TAMM41: variants seen among roughly 807,000 people sequenced by gnomAD.
TAMM41 encodes phosphatidate cytidylyltransferase, mitochondrial.
Under a neutral mutation model 44.1 loss-of-function variants are expected in TAMM41, and 36 were observed. That is an observed-to-expected ratio of 0.82 (90% CI 0.63 to 1.08). The LOEUF (loss-of-function observed/expected upper bound fraction) is 1.08, where lower values mean the gene tolerates loss of function less well. TAMM41 is among the 50% of genes least tolerant of loss of function. The pLI is 0.00. For synonymous variants in TAMM41, 164 were observed against 153.1 expected (o/e 1.07, Z -0.53); for missense variants, 417 against 404.3 (o/e 1.03, Z -0.27).
At chr3:11,781,561 C>T in the TAMM41 span, among the ~76,000 whole-genome samples, 1 of 151,914 alleles carries the variant, frequency 6.6e-6, no homozygotes. Flanking sequence ...ATGGCAAAAC[C>T]CCATCTCTAC....
At chr3:11,751,612 C>T in the TAMM41 span, among the ~76,000 whole-genome samples, 1 of 152,192 alleles carries the variant, frequency 6.6e-6, no homozygotes, top group Non-Finnish European at 1.5e-5. Context: ...AAGACAGGGC[C>T]AACCCTGGAG....
intron 4 of TAMM41, 78 bp downstream of exon 4, chr3:11,829,636 C>T (rs1282576231): frequency 1.1e-5 from 17 of 1,521,934 alleles, no homozygotes; most frequent in South Asian, 2.3e-5. Context: ...GCTCCAGGGC[C>T]GAGTGAGAAC....
At chr3:11,749,966 G>T in the TAMM41 span, among the ~76,000 whole-genome samples, 1 of 149,018 alleles carries the variant, frequency 6.7e-6, no homozygotes, top group Non-Finnish European at 1.5e-5. Flanking sequence ...GGCACGATCT[G>T]GGCTCACTGC....
At chr3:11,821,857 C>G (rs910439022) in intron 4 of TAMM41, among the ~76,000 whole-genome samples, 1 of 152,052 alleles carries the variant, frequency 6.6e-6, no homozygotes, top group Non-Finnish European at 1.5e-5. Flanking sequence ...ATCTGAACAC[C>G]GAAAATGCAA....
At chr3:11,775,920 C>T in the TAMM41 span, among the ~76,000 whole-genome samples, 1 of 152,224 alleles carries the variant, frequency 6.6e-6, no homozygotes, top group East Asian at 1.9e-4. Flanking sequence ...CCCATGAACT[C>T]AGTACATTCT....
chr3:11,762,787 C>T, the TAMM41 span, among the ~76,000 whole-genome samples: 1 of 152,166 alleles, frequency 6.6e-6, no homozygotes, highest in Non-Finnish European at 1.5e-5. Flanking sequence ...AGGCTGGGTA[C>T]GTTGGCTCAC....
chr3:11,760,542 T>TTTTTGTTTTGTTTTG, the TAMM41 span, among the ~76,000 whole-genome samples: 2,684 of 150,864 alleles, frequency 0.018, 61 homozygotes, highest in African/African-American at 0.06. Flanking sequence ...TAAGTACAAT[T>TTTTTGTTTTGTTTTG]TTTTGTTTTG....
At chr3:11,809,941 G>C (rs2078037143) in intron 5 of TAMM41, 1 of 335,946 alleles carries the variant, frequency 3.0e-6, no homozygotes, top group Non-Finnish European at 5.3e-6. Flanking sequence ...CACTCTCAAG[G>C]ATCAATTTCT....
chr3:11,779,693 A>T, the TAMM41 span, among the ~76,000 whole-genome samples: 1 of 152,106 alleles, frequency 6.6e-6, no homozygotes, highest in Non-Finnish European at 1.5e-5. Flanking sequence ...ATTCACTCCC[A>T]TGGTGTCTTT....
At chr3:11,807,462 T>C (rs911642503) in intron 7 of TAMM41, 10 of 1,535,862 alleles carry the variant, frequency 6.5e-6, no homozygotes, top group African/African-American at 1.4e-5. Context: ...CTAAGACAGA[T>C]GGAAGCAGTT....
At chr3:11,783,609 GTTA>G in the TAMM41 span, among the ~76,000 whole-genome samples, 2 of 152,178 alleles carry the variant, frequency 1.3e-5, no homozygotes, top group Non-Finnish European at 2.9e-5. Flanking sequence ...TAGTCAACTG[GTTA>G]TTTTTATAAG....
chr3:11,767,181 GC>G, the TAMM41 span, among the ~76,000 whole-genome samples: 1 of 152,076 alleles, frequency 6.6e-6, no homozygotes, highest in Non-Finnish European at 1.5e-5. Flanking sequence ...CAATTCTCGT[GC>G]CTCAGCCTCC....
In TAMM41 at chr3:11,809,568, T is replaced by C; in HGVS notation, c.823A>G (p.Thr275Ala). 1 of 1,614,138 alleles carries C rather than the reference T, an allele frequency of 6.2e-7. No individual in the cohort carries two copies. Among genetic ancestry groups the C allele is most frequent in the African/African-American group, 1.3e-5 (1 of 75,038 alleles). The change falls in exon 6 of 8, where the codon ACT (threonine) becomes GCT (alanine). Residue 275 changes from threonine (T) to alanine (A), a missense_variant. Coordinates refer to ENST00000455809, the MANE Select transcript of TAMM41 (RefSeq NM_001284401.2). ...GGATCATGAGCCACTTGGAATAAAG[T>C]TTCTTCCACATCTCTGTTTTTTCCA... is the stretch of plus-strand genomic sequence containing the variant. ...PPGKNRDVEETLFQVAHDPDC... is the reference protein window; with the variant it reads ...PPGKNRDVEEALFQVAHDPDC...
the TAMM41 span, among the ~76,000 whole-genome samples, chr3:11,728,764 T>C: frequency 2.0e-5 from 3 of 152,164 alleles, no homozygotes; most frequent in Admixed American, 1.3e-4. Context: ...ATCCCAGCAC[T>C]TTGGGAGGCC....
At chr3:11,730,610 T>G in the TAMM41 span, among the ~76,000 whole-genome samples, 6 of 150,950 alleles carry the variant, frequency 4.0e-5, no homozygotes, top group Admixed American at 2.7e-4. Flanking sequence ...GGTGGGCGCC[T>G]GTAATCCCAG....
At chr3:11,754,717 T>C in the TAMM41 span, among the ~76,000 whole-genome samples, 1 of 145,400 alleles carries the variant, frequency 6.9e-6, no homozygotes, top group Non-Finnish European at 1.5e-5. Context: ...TCTTTTTTTT[T>C]TTTTTTTTTT....
chr3:11,767,348 C>T, the TAMM41 span, among the ~76,000 whole-genome samples: 5 of 152,196 alleles, frequency 3.3e-5, no homozygotes, highest in East Asian at 5.8e-4. Flanking sequence ...GGATTACAGG[C>T]GTGAGTCACC....
chr3:11,773,843 C>T, the TAMM41 span, among the ~76,000 whole-genome samples: 1 of 152,114 alleles, frequency 6.6e-6, no homozygotes, highest in African/African-American at 2.4e-5. Context: ...AATCCCAGCA[C>T]TTTGGGAAGC....
intron 4 of TAMM41, among the ~76,000 whole-genome samples, chr3:11,829,188 G>A (rs1240391105): frequency 6.6e-6 from 1 of 152,070 alleles, no homozygotes; most frequent in Non-Finnish European, 1.5e-5. Context: ...CTCAAAGTGG[G>A]ATCCCTGGAG....
Sources: gnomAD v4.1 joint callset for allele counts (sites outside exome capture counted in the v4.1 genomes callset) on GRCh38, gnomAD v4.1.1 for gene constraint, MANE v1.5 for transcripts, NCBI Gene and HGNC (gene_info 2026-07-23, HGNC 2026-07-21) for gene names.